The following CNTN3 variants were observed in gnomAD, a reference collection of about 807,000 sequenced individuals.
The protein encoded by CNTN3 is contactin-3.
In CNTN3, 60 loss-of-function variants were observed where a neutral mutation model predicts 119.1. The observed-to-expected ratio is 0.50, with a 90% CI of 0.41 to 0.62. The LOEUF is 0.62. Among genes scored for constraint, CNTN3 ranks in the 20% least tolerant of loss-of-function variants. The probability of loss-of-function intolerance (pLI) is 0.00; values close to 1 mark genes in which losing one functional copy is unlikely to be tolerated. For missense variants in CNTN3, 1,101 were observed against 1,242.4 expected, an observed-to-expected ratio of 0.89 and a Z score of 1.71; for synonymous variants, 450 against 438.7, an observed-to-expected ratio of 1.03 and a Z score of -0.32.
chr3:74,578,941 G>A (rs1221508541), intron 1 of CNTN3, among the ~76,000 whole-genome samples: 3 of 151,906 alleles, frequency 2.0e-5, no homozygotes, highest in Non-Finnish European at 4.4e-5. Flanking sequence ...AATGTGAAGA[G>A]AATATCTGCT....
intron 2 of CNTN3, among the ~76,000 whole-genome samples, chr3:74,512,782 A>G (rs577595615): frequency 4.6e-5 from 7 of 151,906 alleles, no homozygotes; most frequent in African/African-American, 1.7e-4. Context: ...TAATGAAAAA[A>G]TAGATGTTCA....
At chr3:74,609,593 T>C (rs1332989343) in intron 1 of CNTN3, among the ~76,000 whole-genome samples, 1 of 152,150 alleles carries the variant, frequency 6.6e-6, no homozygotes, top group African/African-American at 2.4e-5. Flanking sequence ...AACATTGGTT[T>C]GAAGTAGCAG....
intron 2 of CNTN3, among the ~76,000 whole-genome samples, 196 bp downstream of exon 2, chr3:74,520,862 A>C (rs1703531635): frequency 6.6e-6 from 1 of 151,678 alleles, no homozygotes; most frequent in Non-Finnish European, 1.5e-5. Context: ...TGGAAATAAA[A>C]ATGGCTTACA....
intron 2 of CNTN3, among the ~76,000 whole-genome samples, chr3:74,507,623 T>C (rs1282570535): frequency 8.1e-6 from 1 of 123,670 alleles, no homozygotes; most frequent in Non-Finnish European, 1.6e-5. Context: ...TCTTTCTTTC[T>C]TTCTTTTTTT....
intron 2 of CNTN3, among the ~76,000 whole-genome samples, chr3:74,516,814 T>TC (rs1703458418): frequency 6.9e-6 from 1 of 143,886 alleles, no homozygotes; most frequent in Admixed American, 6.8e-5. Flanking sequence ...TAGTAATAGC[T>TC]TAAAACAATA....
chr3:74,426,180 G>T (rs1157615662), intron 4 of CNTN3, among the ~76,000 whole-genome samples: 1 of 151,862 alleles, frequency 6.6e-6, no homozygotes, highest in African/African-American at 2.4e-5. Context: ...AGGGAAAGAG[G>T]AAGAAAGATC....
intron 11 of CNTN3, among the ~76,000 whole-genome samples, chr3:74,354,856 C>T (rs542060474): frequency 6.6e-6 from 1 of 152,214 alleles, no homozygotes; most frequent in East Asian, 1.9e-4. Context: ...TTAAATGAGG[C>T]TGTAACACAG....
At chr3:74,573,580 T>A (rs1704368416) in intron 1 of CNTN3, among the ~76,000 whole-genome samples, 1 of 152,082 alleles carries the variant, frequency 6.6e-6, no homozygotes, top group Non-Finnish European at 1.5e-5. Context: ...ACATAAAGAA[T>A]TCTTATATTG....
intron 1 of CNTN3, among the ~76,000 whole-genome samples, chr3:74,545,309 G>A (rs1247034736): frequency 6.6e-6 from 1 of 152,134 alleles, no homozygotes; most frequent in Admixed American, 6.5e-5. Flanking sequence ...CTTCAAAACT[G>A]TCAAAATAAT....
rs192652595 is a variant in CNTN3, at chr3:74,367,677, G to A, written c.946+1512C>T. Reference sequence around the variant, plus strand: ...AAAAAAATAGACAAGGGCAGAAAAAGTAATCACAAAGAAACTGGGTCGTGG... The same window carrying A: ...AAAAAAATAGACAAGGGCAGAAAAAATAATCACAAAGAAACTGGGTCGTGG... On this transcript the variant is annotated intron_variant, in intron 8 of 22. Transcript: ENST00000263665. Among the ~76,000 whole-genome samples the A allele has an allele frequency of 5.3e-4, 81 of 152,092 alleles. No individual in the cohort carries two copies. In the East Asian group the frequency reaches 0.015, roughly 28 times the overall value.
intron 1 of CNTN3, among the ~76,000 whole-genome samples, chr3:74,524,862 G>T (rs1703593637): frequency 6.6e-6 from 1 of 151,764 alleles, no homozygotes; most frequent in East Asian, 2.0e-4. Context: ...ATATGCAAAG[G>T]CCCTGTGGCT....
chr3:74,590,025 G>A (rs573257623), intron 1 of CNTN3, among the ~76,000 whole-genome samples: 1 of 150,666 alleles, frequency 6.6e-6, no homozygotes, highest in Non-Finnish European at 1.5e-5. Context: ...GAGTTAATGG[G>A]TGCAGCTCAC....
intron 1 of CNTN3, among the ~76,000 whole-genome samples, chr3:74,610,336 G>GA (rs5850191): frequency 0.53 from 78,821 of 149,244 alleles, 21,765 homozygotes; most frequent in African/African-American, 0.72. Context: ...AAACAAAAAT[G>GA]AAAAAAAAAA....
chr3:74,455,246 A>T (rs1702245862), intron 4 of CNTN3, among the ~76,000 whole-genome samples: 1 of 151,280 alleles, frequency 6.6e-6, no homozygotes, highest in Admixed American at 6.6e-5. Flanking sequence ...GCTTCATTTC[A>T]TTCATTTCAT....
chr3:74,455,846 C>T (rs908935563), intron 4 of CNTN3, among the ~76,000 whole-genome samples: 1 of 152,054 alleles, frequency 6.6e-6, no homozygotes, highest in Non-Finnish European at 1.5e-5. Context: ...TGTTAAAATA[C>T]CTGTGGCCCT....
At chr3:74,601,457 T>G (rs1704909646) in intron 1 of CNTN3, among the ~76,000 whole-genome samples, 1 of 152,142 alleles carries the variant, frequency 6.6e-6, no homozygotes, top group Non-Finnish European at 1.5e-5. Flanking sequence ...CACCTCTGTG[T>G]GTTATTGGGT....
chr3:74,567,063 C>G (rs7625297), intron 1 of CNTN3, among the ~76,000 whole-genome samples: 2 of 152,274 alleles, frequency 1.3e-5, no homozygotes, highest in African/African-American at 4.8e-5. Context: ...GTAGCAGATA[C>G]GACAGCACAA....
chr3:74,337,505 G>A (rs1703426317), intron 11 of CNTN3, among the ~76,000 whole-genome samples: 1 of 152,054 alleles, frequency 6.6e-6, no homozygotes, highest in South Asian at 2.1e-4. Flanking sequence ...CCACGTGGCT[G>A]GGGAGGCCTC....
chr3:74,467,033 C>T lies in CNTN3; in HGVS notation c.358+19423G>A, dbSNP rs189553408. Among the ~76,000 whole-genome samples the T allele has an allele frequency of 7.2e-3, 1,095 of 151,976 alleles. 13 individuals are homozygous for T. Among genetic ancestry groups the T allele is most frequent in the African/African-American group, 0.025 (1,017 of 41,466 alleles). On this transcript the variant is annotated intron_variant, in intron 4 of 22. Coordinates refer to ENST00000263665, the MANE Select transcript of CNTN3 (RefSeq NM_020872.3). ...TATATTCCATTTTTTAAAACTATAT[C>T]TTTTGGGATTTTGAAATTAAAGTTC...
Sources: gnomAD v4.1 joint callset for allele counts (sites outside exome capture counted in the v4.1 genomes callset) on GRCh38, gnomAD v4.1.1 for gene constraint, MANE v1.5 for transcripts, NCBI Gene and HGNC (gene_info 2026-07-23, HGNC 2026-07-21) for gene names.